NAALADL1: variants seen among roughly 807,000 people sequenced by gnomAD.
The protein encoded by NAALADL1 is aminopeptidase NAALADL1.
Under a neutral mutation model 82.8 loss-of-function variants are expected in NAALADL1, and 77 were observed. That is an observed-to-expected ratio of 0.93 (90% CI 0.77 to 1.12). The LOEUF (loss-of-function observed/expected upper bound fraction) is 1.12, where lower values mean the gene tolerates loss of function less well. Among genes scored for constraint, NAALADL1 ranks in the 50% most tolerant of loss-of-function variants. The pLI is 0.00. For missense variants in NAALADL1, 956 were observed against 964.0 expected, an observed-to-expected ratio of 0.99 and a Z score of 0.11; for synonymous variants, 358 against 399.2, an observed-to-expected ratio of 0.90 and a Z score of 1.23.
intron 11 of NAALADL1, 84 bp from the exon 12 acceptor site, chr11:65,047,822 A>G (rs1297522082): frequency 1.7e-5 from 26 of 1,485,992 alleles, no homozygotes; most frequent in Non-Finnish European, 2.0e-5. Flanking sequence ...TCTCCTGCCC[A>G]CCCGTGGTCC....
rs1946994225 is a variant in NAALADL1, at chr11:65,054,801, C to T, written c.604-63G>A. Reference sequence around the variant, plus strand: ...CCGGGACCAGATATGTCCTATTCCTCTTCCTCCTTCCTCGACTGTGGAAGC... The same window carrying T: ...CCGGGACCAGATATGTCCTATTCCTTTTCCTCCTTCCTCGACTGTGGAAGC... On this transcript the variant is annotated intron_variant, in intron 4 of 17. Transcript: ENST00000358658. The surrounding 1 kb of genome is among the most constrained non-coding windows in gnomAD (Gnocchi z 4.3). The T allele has an allele frequency of 6.5e-7, 1 of 1,549,736 alleles. No homozygotes were observed. Among genetic ancestry groups the T allele is most frequent in the Admixed American group, 1.8e-5 (1 of 55,888 alleles).
chr11:65,049,788 G>A (rs1004033209), intron 8 of NAALADL1, among the ~76,000 whole-genome samples: 4 of 152,150 alleles, frequency 2.6e-5, no homozygotes, highest in Admixed American at 2.0e-4. Flanking sequence ...CAGGAGGATC[G>A]CTTGAGCCCA....
At chr11:65,059,989 G>A (rs935822385), upstream of NAALADL1, among the ~76,000 whole-genome samples, 4 of 152,174 alleles carry the variant, frequency 2.6e-5, no homozygotes, top group East Asian at 7.7e-4. Flanking sequence ...GGGCTGGGGG[G>A]GTCCCTAGGG....
chr11:65,057,550 A>G (rs1947076015), intron 3 of NAALADL1, 57 bp from the exon 4 acceptor site: 1 of 1,568,770 alleles, frequency 6.4e-7, no homozygotes, highest in Non-Finnish European at 8.6e-7. Flanking sequence ...TGGGTGGGGA[A>G]GGGGGGTGGA....
At position 65,054,862 on chromosome 11, in the gene NAALADL1, T is replaced by C. The variant is rs1367751841; in HGVS notation, c.604-124A>G. The C allele has an allele frequency of 1.6e-6, 2 of 1,287,948 alleles. No homozygotes were observed. The highest frequency in any genetic ancestry group is 3.0e-5 in the African/African-American group (2 of 66,972). The allele number at this position is 1,287,948 out of a possible 1,614,324, so 79.8% of individuals were successfully genotyped here. A position where few individuals can be genotyped will look rare whatever the true frequency, so the allele number is the denominator to read the frequency against. On this transcript the variant is annotated intron_variant, in intron 4 of 17. Coordinates refer to ENST00000358658, the MANE Select transcript of NAALADL1 (RefSeq NM_005468.3). The surrounding 1 kb of genome is among the most constrained non-coding windows in gnomAD (Gnocchi z 4.3). ...CAATCTTCCATGGGCAAGATGACGT[T>C]TGCACAAGTCATTTATGGCAGTGCC...
intron 4 of NAALADL1, among the ~76,000 whole-genome samples, chr11:65,056,045 C>G (rs531749238): frequency 1.3e-4 from 20 of 152,008 alleles, no homozygotes; most frequent in African/African-American, 3.1e-4. Context: ...CCACCATGAG[C>G]GGCTATTTTT....
chr11:65,060,298 T>A (rs1947163183), upstream of NAALADL1, among the ~76,000 whole-genome samples: 1 of 152,064 alleles, frequency 6.6e-6, no homozygotes, highest in Admixed American at 6.5e-5. Flanking sequence ...GGAAGGGATG[T>A]CATGTGATCA....
chr11:65,049,762 A>G (rs1415995643), intron 8 of NAALADL1, among the ~76,000 whole-genome samples: 2 of 152,138 alleles, frequency 1.3e-5, no homozygotes. Flanking sequence ...AGTCCCAGCT[A>G]ATCAGGAAGC....
chr11:65,051,688 T>C (rs1284565354), intron 8 of NAALADL1, among the ~76,000 whole-genome samples: 2 of 152,032 alleles, frequency 1.3e-5, no homozygotes, highest in Non-Finnish European at 2.9e-5. Context: ...GGATGGAGTT[T>C]GACAGCAGTG....
Position 65,053,622 on chromosome 11 carries a change from G to A in NAALADL1, c.993-46C>T. The A allele has an allele frequency of 6.6e-7, 1 of 1,506,594 alleles. No homozygotes were observed. Among genetic ancestry groups the A allele is most frequent in the Non-Finnish European group, 9.0e-7 (1 of 1,112,054 alleles). 93.3% of individuals were successfully genotyped at this position (1,506,594 alleles called of 1,614,324 possible). On this transcript the variant is annotated intron_variant, in intron 6 of 17. Coordinates refer to ENST00000358658, the MANE Select transcript of NAALADL1 (RefSeq NM_005468.3). The surrounding 1 kb of genome is among the most constrained non-coding windows in gnomAD (Gnocchi z 4.3). ...GAGAAGACTCTTGGCCTTGCCCACTGCCCCCGACCCAGTGCAGGAGACACT... is the reference window on the plus strand; with the variant it reads ...GAGAAGACTCTTGGCCTTGCCCACTACCCCCGACCCAGTGCAGGAGACACT...
At position 65,053,489 on chromosome 11, in the gene NAALADL1, AC is replaced by A. The variant is rs1336581442; in HGVS notation, c.1078+1del. The A allele has an allele frequency of 3.1e-6, 5 of 1,613,596 alleles. No homozygotes were observed. Among genetic ancestry groups the A allele is most frequent in the Non-Finnish European group, 4.2e-6 (5 of 1,179,800 alleles). On this transcript the variant is annotated splice_donor_variant, in intron 7 of 17. Coordinates refer to ENST00000358658, the MANE Select transcript of NAALADL1 (RefSeq NM_005468.3). LOFTEE classifies it high-confidence loss of function. The surrounding 1 kb of genome is among the most constrained non-coding windows in gnomAD (Gnocchi z 4.3). ...GGTGCAGGCAGCAAGAGGAGGGCTC[AC>A]CAGGCTCCACAGCCCCACGGATGAT... is the stretch of plus-strand genomic sequence containing the variant.
intron 4 of NAALADL1, among the ~76,000 whole-genome samples, chr11:65,055,930 G>T (rs900544915): frequency 1.4e-5 from 2 of 145,604 alleles, no homozygotes; most frequent in Admixed American, 7.0e-5. Context: ...TTGTCCCCCA[G>T]GCTGGAGTGC....
chr11:65,047,810 G>A, intron 11 of NAALADL1, 72 bp from the exon 12 acceptor site: 1 of 1,506,104 alleles, frequency 6.6e-7, no homozygotes, highest in Non-Finnish European at 9.0e-7. Flanking sequence ...GTTCTCCACC[G>A]GTCTCCTGCC....
upstream of NAALADL1, among the ~76,000 whole-genome samples, chr11:65,060,882 C>G (rs1472893465): frequency 6.6e-6 from 1 of 152,104 alleles, no homozygotes; most frequent in Non-Finnish European, 1.5e-5. Context: ...CCCAATGGCT[C>G]TGGGTCCAAG....
intron 14 of NAALADL1, 35 bp from the exon 15 acceptor site, chr11:65,046,397 C>T (rs1479149609): frequency 3.1e-6 from 5 of 1,614,188 alleles, no homozygotes; most frequent in Non-Finnish European, 4.2e-6. Flanking sequence ...GCTCAGTCTT[C>T]AGCCTCTCCT....
rs1278918988 is a variant in NAALADL1, at chr11:65,053,239, G to A, written c.1177C>T (p.Leu393=). 1.9e-6 allele frequency: 3 copies of A among 1,551,540 alleles called. No individual in the cohort carries two copies. The highest frequency in any genetic ancestry group is 2.6e-6 in the Non-Finnish European group (3 of 1,147,500). ...TCACCCTTCTTCAGCAGGGTCCCCA[G>A]GACACGGGAGAGCTCCAGGAGGACG... ...TAVLLELSRV[L]GTLLKKGTWR... The change falls in exon 8 of 18, where the codon CTG becomes TTG. Residue 393 remains leucine, a synonymous_variant. Transcript: ENST00000358658. This position sits in a 1 kb window ranked among gnomAD's most constrained non-coding sequence, Gnocchi z 4.3.
rs1210944704 is a variant in NAALADL1 at position 65,046,274 on chromosome 11, A to C, written c.1770T>G (p.Ser590Arg). The change falls in exon 15 of 18, where the codon AGT becomes AGG. Residue 590 changes from serine (S) to arginine (R), a missense_variant. Coordinates refer to ENST00000358658, the MANE Select transcript of NAALADL1 (RefSeq NM_005468.3). ...AGCTGCGGAGTGTCTCACTGTAGTC[A>C]CTGACTTTGAGGGGCAGGAAGAAGC... ...SDSFFLPLKV[S>R]DYSETLRSFL... 1 of 1,614,116 alleles carries C rather than the reference A, an allele frequency of 6.2e-7. No individual in the cohort carries two copies. Among genetic ancestry groups the C allele is most frequent in the Admixed American group, 1.7e-5 (1 of 60,022 alleles).
rs577461930 is a variant in NAALADL1, at chr11:65,046,388, C to T, written c.1682-26G>A. 2.1e-5 allele frequency: 34 copies of T among 1,614,192 alleles called. No individual in the cohort carries two copies. In the Admixed American group the frequency reaches 4.3e-4, roughly 21 times the overall value. ...CTGCGGCAAGGTGACAAGGCCAGGG[C>T]TCAGTCTTCAGCCTCTCCTGTCCTG... On this transcript the variant is annotated intron_variant, in intron 14 of 17. Coordinates refer to ENST00000358658, the MANE Select transcript of NAALADL1 (RefSeq NM_005468.3).
At chr11:65,058,581 G>T (rs561929330), upstream of NAALADL1, 19 of 1,440,854 alleles carry the variant, frequency 1.3e-5, no homozygotes, top group South Asian at 2.4e-4. Flanking sequence ...CTATAGAGGG[G>T]GTGTTGTGCC....
Sources: gnomAD v4.1 joint callset for allele counts (sites outside exome capture counted in the v4.1 genomes callset) on GRCh38, gnomAD v4.1.1 for gene constraint, Gnocchi (gnomAD v3.1) non-coding constraint, MANE v1.5 for transcripts, NCBI Gene and HGNC (gene_info 2026-07-23, HGNC 2026-07-21) for gene names.